NEIL3: variants seen among roughly 807,000 people sequenced by gnomAD.
NEIL3 encodes the protein endonuclease 8-like 3.
In NEIL3, 48 loss-of-function variants were observed where a neutral mutation model predicts 57.5. The observed-to-expected ratio is 0.83, with a 90% CI of 0.66 to 1.06. The LOEUF is 1.06. NEIL3 is among the 50% of genes least tolerant of loss of function. The pLI is 0.00. For missense variants in NEIL3, 717 were observed against 739.1 expected (o/e 0.97, Z 0.35); for synonymous variants, 261 against 253.2 (o/e 1.03, Z -0.29).
rs541174342 is a variant in NEIL3 at position 177,330,473 on chromosome 4, C to T, written c.279-5215C>T. ...ATTAAACCCAAAACAGACAGAAGGA[C>T]GGAAATAATGAAGATAAGAACAGAA... On this transcript the variant is annotated intron_variant, in intron 2 of 9. Transcript: ENST00000264596. Among the ~76,000 whole-genome samples the T allele has an allele frequency of 1.3e-3, 189 of 150,874 alleles. 6 individuals are homozygous for T. The South Asian group carries it at 0.023, about 19-fold the overall frequency.
chr4:177,357,806 A>T (rs1202706967), intron 8 of NEIL3, among the ~76,000 whole-genome samples: 1 of 152,230 alleles, frequency 6.6e-6, no homozygotes, highest in Admixed American at 6.5e-5. Flanking sequence ...AAAATACGTT[A>T]TCTGAAAAGG....
intron 4 of NEIL3, among the ~76,000 whole-genome samples, chr4:177,337,203 T>G (rs1734996031): frequency 6.6e-6 from 1 of 152,124 alleles, no homozygotes; most frequent in African/African-American, 2.4e-5. Context: ...CTAACCCAGG[T>G]AGAATACATA....
At chr4:177,361,387 T>C (rs954501660) in intron 9 of NEIL3, among the ~76,000 whole-genome samples, 1 of 152,188 alleles carries the variant, frequency 6.6e-6, no homozygotes, top group Non-Finnish European at 1.5e-5. Context: ...AAAAAGAAAA[T>C]ATTGATATGT....
At chr4:177,316,684 A>G (rs1734580364) in intron 1 of NEIL3, among the ~76,000 whole-genome samples, 1 of 152,082 alleles carries the variant, frequency 6.6e-6, no homozygotes, top group Non-Finnish European at 1.5e-5. Flanking sequence ...AATCCCACAA[A>G]TGTGCACTGA....
At chr4:177,341,670 A>C (rs1164498815) in intron 6 of NEIL3, 28 bp downstream of exon 6, 2 of 1,588,664 alleles carry the variant, frequency 1.3e-6, no homozygotes, top group Non-Finnish European at 1.7e-6. Flanking sequence ...AAGGGATACC[A>C]TTTGCCCTAA....
chr4:177,362,706 G>A lies in NEIL3; in HGVS notation c.*235G>A. ...TCGGATATACAGCATATTCCATTTAGGATGTGTATTTAATGCATTTAGTAA... is the reference window on the plus strand; with the variant it reads ...TCGGATATACAGCATATTCCATTTAAGATGTGTATTTAATGCATTTAGTAA... On this transcript the variant is annotated 3_prime_UTR_variant, in exon 10 of 10. Transcript: ENST00000264596. 3.0e-6 allele frequency: 1 copy of A among 338,754 alleles called. No homozygotes were observed. Among genetic ancestry groups the A allele is most frequent in the Non-Finnish European group, 5.3e-6 (1 of 187,574 alleles). The allele number at this position is 338,754 out of a possible 1,614,324, so 21.0% of individuals were successfully genotyped here. A position where few individuals can be genotyped will look rare whatever the true frequency, so the allele number is the denominator to read the frequency against.
At chr4:177,342,843 G>A (rs1249720401) in intron 6 of NEIL3, among the ~76,000 whole-genome samples, 1 of 152,232 alleles carries the variant, frequency 6.6e-6, no homozygotes. Context: ...CCACGTTGTG[G>A]AATAATAAAA....
At chr4:177,369,442 T>C in the NEIL3 span, among the ~76,000 whole-genome samples, 298 of 152,286 alleles carry the variant, frequency 2.0e-3, no homozygotes, top group African/African-American at 6.4e-3. Flanking sequence ...TGGCTATAAA[T>C]GGATCCTGGG....
chr4:177,324,858 A>G lies in NEIL3; in HGVS notation c.278+2278A>G, dbSNP rs1032966148. Among the ~76,000 whole-genome samples the G allele has an allele frequency of 1.3e-5, 2 of 152,162 alleles. 1 individual carries two copies. The highest frequency in any genetic ancestry group is 2.9e-5 in the Non-Finnish European group (2 of 68,020). ...GCCAGTATAGTGTGTGCGAATGTTT[A>G]TATGCATGTTCACCCAGCTGCACTC... On this transcript the variant is annotated intron_variant, in intron 2 of 9. Coordinates refer to ENST00000264596, the MANE Select transcript of NEIL3 (RefSeq NM_018248.3).
chr4:177,359,438 A>G (rs937804253), intron 8 of NEIL3, among the ~76,000 whole-genome samples: 2 of 152,196 alleles, frequency 1.3e-5, no homozygotes, highest in Admixed American at 6.5e-5. Context: ...GAACATTTCA[A>G]TTAGATATGA....
At chr4:177,354,478 G>A (rs1735432271) in intron 8 of NEIL3, among the ~76,000 whole-genome samples, 1 of 152,068 alleles carries the variant, frequency 6.6e-6, no homozygotes, top group Non-Finnish European at 1.5e-5. Context: ...GGGGTCTGAG[G>A]TGCCTGTAGT....
In NEIL3 at chr4:177,362,765, T is replaced by C; in HGVS notation, c.*294T>C. On this transcript the variant is annotated 3_prime_UTR_variant, in exon 10 of 10. Transcript: ENST00000264596. Reference sequence around the variant, plus strand: ...AAGTGTTTTTAGTATGCTTTTAGTCTCTTGTAACTGGGGAGAAGCAGTGTT... The same window carrying C: ...AAGTGTTTTTAGTATGCTTTTAGTCCCTTGTAACTGGGGAGAAGCAGTGTT... The C allele has an allele frequency of 5.0e-6, 1 of 200,988 alleles. No individual in the cohort carries two copies. 12.5% of individuals were successfully genotyped at this position (200,988 alleles called of 1,614,324 possible).
At chr4:177,336,403 T>G in intron 4 of NEIL3, 82 bp downstream of exon 4, 1 of 1,026,014 alleles carries the variant, frequency 9.7e-7, no homozygotes, top group South Asian at 1.5e-5. Flanking sequence ...AACTCTGCAT[T>G]TCAGTAACAC....
intron 6 of NEIL3, among the ~76,000 whole-genome samples, chr4:177,345,296 G>A (rs781256762): frequency 2.0e-5 from 3 of 152,096 alleles, no homozygotes; most frequent in Non-Finnish European, 2.9e-5. Flanking sequence ...TCTGAAAGAC[G>A]AAACAACACA....
chr4:177,349,399 G>A (rs943560695), intron 6 of NEIL3, among the ~76,000 whole-genome samples: 7 of 152,028 alleles, frequency 4.6e-5, no homozygotes, highest in Non-Finnish European at 8.8e-5. Context: ...TCTCGCTTCC[G>A]GTGCTGCCAG....
In NEIL3 at chr4:177,341,490, A is replaced by T. The variant is rs116558936; in HGVS notation, c.717A>T (p.Gly239=). Residue 239 remains glycine (G), a synonymous_variant, in exon 6 of 10, where the codon GGA becomes GGT. Transcript: ENST00000264596. Reference sequence around the variant, plus strand: ...TTTTTTTTTAGTGCCGTAAAGCAGGACTTGCTCTCTCTAAACACTATAAGG... The same window carrying T: ...TTTTTTTTTAGTGCCGTAAAGCAGGTCTTGCTCTCTCTAAACACTATAAGG... ...SILFYRCRKA[G]LALSKHYKVY... The T allele has an allele frequency of 3.1e-4, 497 of 1,584,198 alleles. 6 individuals carry two copies. The African/African-American group carries it at 5.4e-3, about 17-fold the overall frequency.
chr4:177,348,790 T>C (rs1735283897), intron 6 of NEIL3, among the ~76,000 whole-genome samples: 1 of 151,022 alleles, frequency 6.6e-6, no homozygotes, highest in Admixed American at 6.7e-5. Context: ...GCCTGATGAA[T>C]TGAGCGATAC....
rs1269127511 is a variant in NEIL3, at chr4:177,351,595, T to C, written c.1039+46T>C. 5 of 1,409,288 alleles carry C rather than the reference T, an allele frequency of 3.5e-6. 1 individual carries two copies. The highest frequency in any genetic ancestry group is 5.0e-6 in the Non-Finnish European group (5 of 1,007,842). 87.3% of individuals were successfully genotyped at this position (1,409,288 alleles called of 1,614,324 possible). A position where few individuals can be genotyped will look rare whatever the true frequency, so the allele number is the denominator to read the frequency against. ...TGAGTTTGTTACATTTCTAAGAGGG[T>C]TAATTATACAAAGTCAGGAATATAT... On this transcript the variant is annotated intron_variant, in intron 7 of 9. Transcript: ENST00000264596.
chr4:177,364,002 T>C (rs540957020), downstream of NEIL3, among the ~76,000 whole-genome samples: 5 of 152,296 alleles, frequency 3.3e-5, no homozygotes, highest in East Asian at 9.7e-4. Context: ...CACTTTGGCC[T>C]TCCAAAGTGT....
Sources: allele counts gnomAD v4.1 joint callset (sites outside exome capture counted in the v4.1 genomes callset), GRCh38; gene constraint gnomAD v4.1.1; transcripts MANE v1.5; gene names NCBI Gene and HGNC (gene_info 2026-07-23, HGNC 2026-07-21).